Variants in PRKCE observed in about 807,000 individuals in gnomAD.
PRKCE encodes the protein protein kinase C epsilon type.
PRKCE carries 16 observed loss-of-function variants against 85.4 expected under a neutral mutation model. The observed-to-expected ratio is 0.19, with a 90% CI of 0.13 to 0.28. The LOEUF (loss-of-function observed/expected upper bound fraction) is 0.28. PRKCE is among the 10% of genes least tolerant of loss of function. PRKCE has a pLI of 1.00. For missense variants in PRKCE, 573 were observed against 975.2 expected (o/e 0.59, Z 5.49); for synonymous variants, 388 against 371.5 (o/e 1.04, Z -0.51).
chr2:45,897,342 G>T (rs1473265702), intron 2 of PRKCE, among the ~76,000 whole-genome samples: 1 of 152,174 alleles, frequency 6.6e-6, no homozygotes, highest in African/African-American at 2.4e-5. Context: ...TCTTCCTCAG[G>T]ACACAGCCTG....
At chr2:45,923,244 C>G (rs1391731197) in intron 2 of PRKCE, among the ~76,000 whole-genome samples, 1 of 152,150 alleles carries the variant, frequency 6.6e-6, no homozygotes, top group African/African-American at 2.4e-5. Context: ...TTGTAAGTCC[C>G]TGGGTCCCTG....
At chr2:45,751,377 A>G (rs1208369038) in intron 1 of PRKCE, among the ~76,000 whole-genome samples, 1 of 152,190 alleles carries the variant, frequency 6.6e-6, no homozygotes, top group Non-Finnish European at 1.5e-5. Flanking sequence ...TTATATTAGG[A>G]CTATTTATAC....
intron 2 of PRKCE, among the ~76,000 whole-genome samples, chr2:45,920,304 G>A (rs1369991253): frequency 6.6e-6 from 1 of 152,204 alleles, no homozygotes; most frequent in Non-Finnish European, 1.5e-5. Flanking sequence ...TGCCCACTCA[G>A]TAACCCAATA....
chr2:45,676,489 C>A (rs1337824869), intron 1 of PRKCE, among the ~76,000 whole-genome samples: 1 of 152,212 alleles, frequency 6.6e-6, no homozygotes, highest in Non-Finnish European at 1.5e-5. Flanking sequence ...TTTGCATTAA[C>A]AGGAAAACTA....
intron 2 of PRKCE, among the ~76,000 whole-genome samples, chr2:45,969,807 CTG>C (rs1321717831): frequency 1.3e-4 from 20 of 152,360 alleles, no homozygotes; most frequent in African/African-American, 4.6e-4. Context: ...TATCTTCAGC[CTG>C]CAAATTTGCT....
chr2:45,799,728 C>A (rs1687710852), intron 1 of PRKCE, among the ~76,000 whole-genome samples: 1 of 152,184 alleles, frequency 6.6e-6, no homozygotes, highest in Admixed American at 6.5e-5. Context: ...CTCCTGTTGT[C>A]CCTAGTCTGC....
chr2:45,817,330 C>T (rs1451505528), intron 1 of PRKCE, among the ~76,000 whole-genome samples: 1 of 152,064 alleles, frequency 6.6e-6, no homozygotes, highest in African/African-American at 2.4e-5. Context: ...TCAGGGTAGT[C>T]CTGTTTAATT....
At chr2:45,824,525 G>C (rs967705480) in intron 1 of PRKCE, among the ~76,000 whole-genome samples, 3 of 152,134 alleles carry the variant, frequency 2.0e-5, no homozygotes, top group Non-Finnish European at 4.4e-5. Context: ...CCTAGAATTA[G>C]CCTTTGGATA....
intron 1 of PRKCE, among the ~76,000 whole-genome samples, chr2:45,728,655 A>G (rs1481038371): frequency 6.6e-6 from 1 of 152,210 alleles, no homozygotes; most frequent in East Asian, 1.9e-4. Context: ...CAGATGGGGA[A>G]CTGAAAGCCC....
intron 2 of PRKCE, among the ~76,000 whole-genome samples, chr2:45,873,765 G>C (rs780801683): frequency 2.5e-4 from 38 of 152,202 alleles, no homozygotes; most frequent in Non-Finnish European, 4.7e-4. Flanking sequence ...TGTGTTCCCT[G>C]AGAGCAGTCC....
At chr2:45,738,432 A>T (rs984483002) in intron 1 of PRKCE, among the ~76,000 whole-genome samples, 3 of 152,082 alleles carry the variant, frequency 2.0e-5, no homozygotes, top group Non-Finnish European at 2.9e-5. Context: ...CCTTCCCCGA[A>T]ATGCCCTTCC....
chr2:45,897,135 A>G (rs1696209385), intron 2 of PRKCE, among the ~76,000 whole-genome samples: 1 of 152,236 alleles, frequency 6.6e-6, no homozygotes, highest in African/African-American at 2.4e-5. Context: ...ATAACATAAT[A>G]TGAAATATCT....
intron 2 of PRKCE, among the ~76,000 whole-genome samples, chr2:45,962,904 C>T (rs948880875): frequency 2.6e-5 from 4 of 152,002 alleles, no homozygotes; most frequent in African/African-American, 9.7e-5. Flanking sequence ...TCATCCCTCT[C>T]TCCATGTGCA....
At chr2:46,011,374 G>T (rs1202121540) in intron 10 of PRKCE, among the ~76,000 whole-genome samples, 1 of 152,180 alleles carries the variant, frequency 6.6e-6, no homozygotes, top group Non-Finnish European at 1.5e-5. Flanking sequence ...TTGAATGCCA[G>T]TTTTTCCACT....
At position 45,652,508 on chromosome 2, in the gene PRKCE, T is replaced by A; in HGVS notation, c.348+60T>A. On this transcript the variant is annotated intron_variant, in intron 1 of 14. Coordinates refer to ENST00000306156, the MANE Select transcript of PRKCE (RefSeq NM_005400.3). This position sits in a 1 kb window ranked among gnomAD's most constrained non-coding sequence, Gnocchi z 7.7. ...CGGTTGTGGGGTCCCGGGGAAAGAC[T>A]CGCTGGTCTTGATCGTAGGGCTCCG... 1 of 1,446,396 alleles carries A rather than the reference T, an allele frequency of 6.9e-7. No homozygotes were observed. The highest frequency in any genetic ancestry group is 1.4e-5 in the African/African-American group (1 of 71,260). 89.6% of individuals were successfully genotyped at this position (1,446,396 alleles called of 1,614,324 possible). A position where few individuals can be genotyped will look rare whatever the true frequency, so the allele number is the denominator to read the frequency against.
At chr2:45,970,795 A>C (rs2104491819) in intron 2 of PRKCE, among the ~76,000 whole-genome samples, 1 of 151,770 alleles carries the variant, frequency 6.6e-6, no homozygotes, top group Non-Finnish European at 1.5e-5. Flanking sequence ...TTAAGAGTGA[A>C]GTGTCACTAC....
At chr2:46,093,097 A>G (rs906632787) in intron 11 of PRKCE, among the ~76,000 whole-genome samples, 1 of 152,198 alleles carries the variant, frequency 6.6e-6, no homozygotes, top group African/African-American at 2.4e-5. Flanking sequence ...CTTAGCTGTC[A>G]GCGTTACCCC....
At chr2:45,717,165 A>G (rs1003190600) in intron 1 of PRKCE, among the ~76,000 whole-genome samples, 1 of 152,184 alleles carries the variant, frequency 6.6e-6, no homozygotes, top group South Asian at 2.1e-4. Context: ...GCCTCCCACA[A>G]CAGGCTAGGC....
intron 1 of PRKCE, among the ~76,000 whole-genome samples, chr2:45,823,205 C>G (rs1046275434): frequency 6.6e-6 from 1 of 152,208 alleles, no homozygotes; most frequent in East Asian, 1.9e-4. Context: ...GATTCCCAGG[C>G]CTGGGATTCT....
Sources: gnomAD v4.1 joint callset for allele counts (sites outside exome capture counted in the v4.1 genomes callset) on GRCh38, gnomAD v4.1.1 for gene constraint, Gnocchi (gnomAD v3.1) non-coding constraint, MANE v1.5 for transcripts, NCBI Gene and HGNC (gene_info 2026-07-23, HGNC 2026-07-21) for gene names.